Variants in TEX29 observed in about 807,000 individuals in gnomAD.
The protein encoded by TEX29 is testis-expressed protein 29.
TEX29 carries 26 observed loss-of-function variants against 18.2 expected under a neutral mutation model. The observed-to-expected ratio is 1.43, with a 90% CI of 1.04 to 1.98. TEX29 has a LOEUF of 1.98. Ranked by LOEUF, TEX29 falls within the 30% of genes most tolerant of loss-of-function variation. TEX29 has a pLI of 0.00. For missense variants in TEX29, 177 were observed against 194.2 expected (o/e 0.91, Z 0.53); for synonymous variants, 83 against 78.5 (o/e 1.06, Z -0.31).
In TEX29 at chr13:111,342,840, C is replaced by T. The variant is rs1465801001; in HGVS notation, c.324C>T (p.Ala108=). 3 of 1,614,032 alleles carry T rather than the reference C, an allele frequency of 1.9e-6. No homozygotes were observed. In the African/African-American group the frequency reaches 4.0e-5, roughly 22 times the overall value. Residue 108 remains alanine, a synonymous_variant, in exon 5 of 6, where the codon GCC becomes GCT. Transcript: ENST00000283547. ...PQKSSEKAEL[A]SSSSKLGLKP... ...AGTCCAGCGAAAAGGCGGAGTTGGCCTCATCCAGCAGCAAGTTAGGGCTGA... is the reference window on the plus strand; with the variant it reads ...AGTCCAGCGAAAAGGCGGAGTTGGCTTCATCCAGCAGCAAGTTAGGGCTGA...
At position 111,328,214 on chromosome 13, in the gene TEX29, C is replaced by T. The variant is rs372190132; in HGVS notation, c.90C>T (p.Asp30=). The T allele has an allele frequency of 6.2e-7, 1 of 1,613,724 alleles. No homozygotes were observed. The highest frequency in any genetic ancestry group is 8.5e-7 in the Non-Finnish European group (1 of 1,179,840). ...ACGTTCCTCTGTATGACATTTGTGA[C>T]TACAACGTCTCCAGGGACCGATGCC... ...VCDVPLYDIC[D]YNVSRDRCQE... Residue 30 remains aspartate (D), a synonymous_variant, in exon 3 of 6, where the codon GAC becomes GAT. Coordinates refer to ENST00000283547, the MANE Select transcript of TEX29 (RefSeq NM_152324.3).
In TEX29 at chr13:111,339,913, G is replaced by C. The variant is rs201641311; in HGVS notation, c.220G>C (p.Val74Leu). Residue 74 changes from valine (V) to leucine (L), a missense_variant, in exon 4 of 6, where the codon GTC becomes CTC. Coordinates refer to ENST00000283547, the MANE Select transcript of TEX29 (RefSeq NM_152324.3). ...GATTGTGATCATCGCTGGGGCCTTC[G>C]TCATCACCATCATCTACAGGTCGGT... ...ALIVIIAGAF[V>L]ITIIYRVIQE... 5.6e-6 allele frequency: 9 copies of C among 1,599,276 alleles called. No homozygotes were observed. The highest frequency in any genetic ancestry group is 1.1e-5 in the South Asian group (1 of 91,030).
At chr13:111,321,654 C>T (rs4773354) in intron 2 of TEX29, among the ~76,000 whole-genome samples, 25,998 of 151,768 alleles carry the variant, frequency 0.17, 3,598 homozygotes, top group East Asian at 0.75. Flanking sequence ...ATCGGATGGG[C>T]GTGGTGGCCT....
At chr13:111,331,338 G>C (rs1411607362) in intron 3 of TEX29, among the ~76,000 whole-genome samples, 4 of 61,418 alleles carry the variant, frequency 6.5e-5, no homozygotes, top group Admixed American at 2.1e-4. Flanking sequence ...TTTTTTTTTG[G>C]CTATTTGGAT....
At chr13:111,336,183 T>C (rs1204866772) in intron 3 of TEX29, among the ~76,000 whole-genome samples, 1 of 152,226 alleles carries the variant, frequency 6.6e-6, no homozygotes, top group Non-Finnish European at 1.5e-5. Context: ...TCATTCTAAC[T>C]TTAACAGCTG....
At chr13:111,339,511 G>A (rs1037049672) in intron 3 of TEX29, 30 of 417,240 alleles carry the variant, frequency 7.2e-5, no homozygotes, top group South Asian at 2.0e-4. Flanking sequence ...ATGCACCCCC[G>A]GGGGTCATGA....
At chr13:111,343,721 AG>A (rs1245966321) in intron 5 of TEX29, among the ~76,000 whole-genome samples, 1 of 152,184 alleles carries the variant, frequency 6.6e-6, no homozygotes, top group African/African-American at 2.4e-5. Context: ...TTGGCTTTAC[AG>A]GGACCATCAG....
chr13:111,338,452 G>A (rs2093692620), intron 3 of TEX29, among the ~76,000 whole-genome samples: 2 of 152,126 alleles, frequency 1.3e-5, no homozygotes. Context: ...TGGACTTCTG[G>A]CCTCCAGAAC....
At chr13:111,320,988 G>GGGGGGGGGGGGGGGGGGT in intron 2 of TEX29, 40 bp downstream of exon 2, 1 of 431,434 alleles carries the variant, frequency 2.3e-6, no homozygotes, top group Non-Finnish European at 4.3e-6. Flanking sequence ...TGGGGTGGGG[G>GGGGGGGGGGGGGGGGGGT]AGCAGTTGGG....
At chr13:111,339,777 C>T (rs1028328558) in intron 3 of TEX29, 86 bp from the exon 4 acceptor site, 47 of 1,439,360 alleles carry the variant, frequency 3.3e-5, no homozygotes, top group Non-Finnish European at 4.4e-5. Flanking sequence ...GGCCCGCACC[C>T]GACTCTGGGA....
intron 3 of TEX29, among the ~76,000 whole-genome samples, chr13:111,331,507 T>C (rs938864128): frequency 1.3e-5 from 2 of 152,130 alleles, no homozygotes; most frequent in African/African-American, 4.8e-5. Context: ...TTCTCTTACA[T>C]GTCTTTTCTT....
intron 4 of TEX29, among the ~76,000 whole-genome samples, chr13:111,342,088 C>T (rs1358318506): frequency 5.3e-5 from 8 of 152,062 alleles, no homozygotes; most frequent in South Asian, 2.1e-4. Context: ...AATGCAGACC[C>T]GGGGGGCCAA....
chr13:111,331,081 G>A (rs1020218343), intron 3 of TEX29, among the ~76,000 whole-genome samples: 3 of 152,174 alleles, frequency 2.0e-5, no homozygotes, highest in Non-Finnish European at 2.9e-5. Flanking sequence ...GGAATTGCTG[G>A]ATCATATGTT....
chr13:111,326,924 C>T lies in TEX29; in HGVS notation c.59-1259C>T, dbSNP rs374288429. Among the ~76,000 whole-genome samples, 26 of 152,310 alleles carry T rather than the reference C, an allele frequency of 1.7e-4. No homozygotes were observed. In the South Asian group the frequency reaches 3.5e-3, roughly 21 times the overall value. On this transcript the variant is annotated intron_variant, in intron 2 of 5. Transcript: ENST00000283547. ...GGAGCAAAGCCCTCCTAGTCACCCA[C>T]TGTAGACACATGGGCTGCTGCATAG... is the stretch of plus-strand genomic sequence containing the variant.
chr13:111,337,505 G>A (rs973518472), intron 3 of TEX29, among the ~76,000 whole-genome samples: 1 of 152,068 alleles, frequency 6.6e-6, no homozygotes, highest in African/African-American at 2.4e-5. Flanking sequence ...GGCAGAAGCT[G>A]CAATGTCTTT....
rs145471114 is a variant in TEX29 at position 111,327,637 on chromosome 13, C to T, written c.59-546C>T. On this transcript the variant is annotated intron_variant, in intron 2 of 5. Transcript: ENST00000283547. Reference sequence around the variant, plus strand: ...GCTGCTGAACTCCTCTGGAAAGGGTCGTCTGCCAGGAGCTCTCCCCGCCCT... The same window carrying T: ...GCTGCTGAACTCCTCTGGAAAGGGTTGTCTGCCAGGAGCTCTCCCCGCCCT... 6.4e-4 allele frequency among the ~76,000 whole-genome samples: 97 copies of T among 152,356 alleles called. No individual in the cohort carries two copies. The Middle Eastern group carries it at 0.017, about 27-fold the overall frequency.
At chr13:111,331,928 G>A (rs988117150) in intron 3 of TEX29, among the ~76,000 whole-genome samples, 9 of 152,192 alleles carry the variant, frequency 5.9e-5, no homozygotes, top group Non-Finnish European at 7.4e-5. Context: ...ATCCTTAGCC[G>A]GTGCCACAGT....
intron 3 of TEX29, among the ~76,000 whole-genome samples, chr13:111,330,229 A>G (rs2093680644): frequency 6.6e-6 from 1 of 152,196 alleles, no homozygotes; most frequent in African/African-American, 2.4e-5. Context: ...CTCCTCTGAG[A>G]TGAAAGGGAT....
chr13:111,338,382 C>T (rs529506372), intron 3 of TEX29, among the ~76,000 whole-genome samples: 28 of 152,256 alleles, frequency 1.8e-4, no homozygotes, highest in Admixed American at 9.8e-4. Flanking sequence ...AGGAGGAAGC[C>T]AGGGAGGACC....
Sources: gnomAD v4.1 joint callset for allele counts (sites outside exome capture counted in the v4.1 genomes callset) on GRCh38, gnomAD v4.1.1 for gene constraint, MANE v1.5 for transcripts, NCBI Gene and HGNC (gene_info 2026-07-23, HGNC 2026-07-21) for gene names.